The following LNPK variants were observed in gnomAD, a reference collection of about 807,000 sequenced individuals.
LNPK encodes the protein lunapark, ER junction formation factor, also known as endoplasmic reticulum junction formation protein lunapark.
Under a neutral mutation model 55.2 loss-of-function variants are expected in LNPK, and 29 were observed. That is an observed-to-expected ratio of 0.53 (90% CI 0.39 to 0.72). The LOEUF (loss-of-function observed/expected upper bound fraction) is 0.72. Ranked by LOEUF, LNPK falls within the 30% of genes least tolerant of loss-of-function variation. The pLI, the probability that LNPK is intolerant of heterozygous loss-of-function variation, is 0.00. For synonymous variants in LNPK, 162 were observed against 168.2 expected (o/e 0.96, Z 0.29); for missense variants, 467 against 494.8 (o/e 0.94, Z 0.53).
intron 2 of LNPK, chr2:175,994,170 A>G (rs1325028858): frequency 1.0e-6 from 1 of 979,580 alleles, no homozygotes; most frequent in Non-Finnish European, 1.2e-6. Context: ...GGTAATGAAT[A>G]TCAGTTCATT....
chr2:175,980,904 C>CAAAAAAAAAAAA (rs369143349), intron 4 of LNPK, among the ~76,000 whole-genome samples: 1 of 99,582 alleles, frequency 1.0e-5, no homozygotes, highest in Non-Finnish European at 1.9e-5. Flanking sequence ...AAGACTGTCC[C>CAAAAAAAAAAAA]AAAAAAAAAA....
At chr2:175,951,347 G>A (rs1685388316) in intron 8 of LNPK, among the ~76,000 whole-genome samples, 1 of 151,626 alleles carries the variant, frequency 6.6e-6, no homozygotes, top group Admixed American at 6.6e-5. Context: ...GCACCTATTT[G>A]TAGTCTTTTA....
chr2:175,947,083 T>C (rs1030792109), intron 9 of LNPK, among the ~76,000 whole-genome samples: 2 of 152,176 alleles, frequency 1.3e-5, no homozygotes, highest in African/African-American at 2.4e-5. Flanking sequence ...AAATATGTTG[T>C]CATGTTTAAA....
At chr2:175,971,945 G>A (rs1188709938) in intron 5 of LNPK, among the ~76,000 whole-genome samples, 2 of 152,134 alleles carry the variant, frequency 1.3e-5, no homozygotes, top group Non-Finnish European at 2.9e-5. Context: ...TTGAGACAGG[G>A]TATTGCTCTG....
chr2:176,001,804 T>G (rs1461188765), intron 1 of LNPK, among the ~76,000 whole-genome samples: 1 of 152,110 alleles, frequency 6.6e-6, no homozygotes, highest in African/African-American at 2.4e-5. Flanking sequence ...TGTGTCGAGA[T>G]AAGCTCGACA....
chr2:175,939,901 C>A, intron 9 of LNPK: 1 of 346,850 alleles, frequency 2.9e-6, no homozygotes, highest in Admixed American at 4.7e-5. Context: ...GTAGTAGATT[C>A]CTACATAACT....
At chr2:175,963,323 T>C (rs569296851) in intron 8 of LNPK, among the ~76,000 whole-genome samples, 2 of 151,904 alleles carry the variant, frequency 1.3e-5, no homozygotes, top group Non-Finnish European at 2.9e-5. Flanking sequence ...CAACAATGAT[T>C]GACTGGATTA....
chr2:175,995,889 C>T (rs897449194), intron 1 of LNPK, among the ~76,000 whole-genome samples: 4 of 128,224 alleles, frequency 3.1e-5, no homozygotes, highest in Non-Finnish European at 6.3e-5. Flanking sequence ...TCTCAACTCA[C>T]TGCAACTTCT....
intron 4 of LNPK, among the ~76,000 whole-genome samples, chr2:175,980,257 T>C (rs1479451249): frequency 6.6e-6 from 1 of 152,120 alleles, no homozygotes. Flanking sequence ...TCCCACACAT[T>C]AAGGAAAAAT....
chr2:175,963,711 T>C (rs1686187988), intron 8 of LNPK, among the ~76,000 whole-genome samples: 1 of 151,238 alleles, frequency 6.6e-6, no homozygotes, highest in Non-Finnish European at 1.5e-5. Flanking sequence ...AATAAATAAA[T>C]TAATTAATTA....
At chr2:175,939,498 C>CAA in intron 10 of LNPK, 54 bp downstream of exon 10, 1 of 1,007,822 alleles carries the variant, frequency 9.9e-7, no homozygotes. Context: ...TGTGTACACA[C>CAA]ACACACACAT....
Position 176,002,250 on chromosome 2 carries a change from C to G in LNPK, c.-153G>C, listed in dbSNP as rs957402551. On this transcript the variant is annotated 5_prime_UTR_variant, in exon 1 of 13. Coordinates refer to ENST00000272748, the MANE Select transcript of LNPK (RefSeq NM_030650.3). ...GCCTGCCTCCAGAGCAGGCAGCAGCCGCCACTGACAGAGAGACAAGCCGGG... is the reference window on the plus strand; with the variant it reads ...GCCTGCCTCCAGAGCAGGCAGCAGCGGCCACTGACAGAGAGACAAGCCGGG... 4 of 450,830 alleles carry G rather than the reference C, an allele frequency of 8.9e-6. No individual in the cohort carries two copies. Among genetic ancestry groups the G allele is most frequent in the South Asian group, 6.3e-5 (4 of 63,954 alleles). The allele number at this position is 450,830 out of a possible 1,614,324, so 27.9% of individuals were successfully genotyped here.
chr2:175,985,149 T>C (rs1238870666), intron 4 of LNPK, among the ~76,000 whole-genome samples: 1 of 152,096 alleles, frequency 6.6e-6, no homozygotes, highest in South Asian at 2.1e-4. Flanking sequence ...AAATAACAAA[T>C]TTGTGGAGAC....
At chr2:175,987,354 T>G (rs568187157) in intron 4 of LNPK, among the ~76,000 whole-genome samples, 3 of 152,164 alleles carry the variant, frequency 2.0e-5, no homozygotes, top group African/African-American at 4.8e-5. Context: ...TAAAAAATGA[T>G]GAGTTCATGT....
chr2:175,936,919 T>C (rs1473122102), intron 12 of LNPK, among the ~76,000 whole-genome samples: 1 of 152,204 alleles, frequency 6.6e-6, no homozygotes, highest in East Asian at 1.9e-4. Flanking sequence ...TGCTTTCTGG[T>C]AATTTCTACC....
At chr2:175,994,188 C>A (rs1422106065) in intron 2 of LNPK, 1 of 981,936 alleles carries the variant, frequency 1.0e-6, no homozygotes, top group African/African-American at 1.7e-5. Flanking sequence ...ATTGTAGTTT[C>A]CATAAGAGTT....
intron 8 of LNPK, among the ~76,000 whole-genome samples, chr2:175,948,102 A>G (rs942077363): frequency 5.9e-5 from 9 of 152,248 alleles, no homozygotes; most frequent in African/African-American, 1.9e-4. Flanking sequence ...CGATAAGTGA[A>G]TAAGTATATT....
intron 3 of LNPK, among the ~76,000 whole-genome samples, chr2:175,992,928 C>T (rs1687768180): frequency 6.6e-6 from 1 of 152,006 alleles, no homozygotes; most frequent in East Asian, 1.9e-4. Flanking sequence ...CTATTTTGTC[C>T]TACCTGTAAC....
chr2:175,947,872 C>G (rs181154297), intron 8 of LNPK, among the ~76,000 whole-genome samples, 180 bp from the exon 9 acceptor site: 66 of 152,284 alleles, frequency 4.3e-4, no homozygotes, highest in Middle Eastern at 3.4e-3. Context: ...TCTGAACTTA[C>G]AGTTCAACTG....
Sources: gnomAD v4.1 joint callset for allele counts (sites outside exome capture counted in the v4.1 genomes callset) on GRCh38, gnomAD v4.1.1 for gene constraint, MANE v1.5 for transcripts, NCBI Gene and HGNC (gene_info 2026-07-23, HGNC 2026-07-21) for gene names.